IMMP2L: variants seen among roughly 807,000 people sequenced by gnomAD.
The protein encoded by IMMP2L is mitochondrial inner membrane protease subunit 2.
IMMP2L carries 18 observed loss-of-function variants against 19.3 expected under a neutral mutation model. The observed-to-expected ratio is 0.93, with a 90% CI of 0.64 to 1.38. The LOEUF is 1.38. Among genes scored for constraint, IMMP2L ranks in the 40% most tolerant of loss-of-function variants. The probability of loss-of-function intolerance (pLI) is 0.00; values close to 1 mark genes in which losing one functional copy is unlikely to be tolerated. For synonymous variants in IMMP2L, 76 were observed against 73.0 expected (o/e 1.04, Z -0.21); for missense variants, 233 against 218.2 (o/e 1.07, Z -0.43).
intron 5 of IMMP2L, among the ~76,000 whole-genome samples, chr7:110,868,223 A>G (rs1045955760): frequency 1.6e-4 from 24 of 151,862 alleles, no homozygotes; most frequent in African/African-American, 5.8e-4. Flanking sequence ...TCAAGCCGAG[A>G]CAAAGAACAC....
intron 3 of IMMP2L, among the ~76,000 whole-genome samples, chr7:111,417,366 A>G (rs1835052474): frequency 6.6e-6 from 1 of 151,826 alleles, no homozygotes. Context: ...AAAGGGTGAT[A>G]TATTCAGTTT....
chr7:111,324,049 A>G (rs1426207549), intron 3 of IMMP2L, among the ~76,000 whole-genome samples: 1 of 152,014 alleles, frequency 6.6e-6, no homozygotes, highest in African/African-American at 2.4e-5. Context: ...TTAAATGATG[A>G]GTTAATGGGT....
At chr7:111,188,333 C>T (rs993156136) in intron 3 of IMMP2L, among the ~76,000 whole-genome samples, 1 of 152,124 alleles carries the variant, frequency 6.6e-6, no homozygotes, top group Non-Finnish European at 1.5e-5. Context: ...TTTTGGAAGG[C>T]TGAGATCAGA....
At position 111,478,893 on chromosome 7, in the gene IMMP2L, A is replaced by G. The variant is rs1841947022; in HGVS notation, c.239+8345T>C. 2.6e-5 allele frequency among the ~76,000 whole-genome samples: 4 copies of G among 152,330 alleles called. No individual in the cohort carries two copies. The South Asian group carries it at 8.3e-4, about 32-fold the overall frequency. On this transcript the variant is annotated intron_variant, in intron 3 of 5. Coordinates refer to ENST00000405709, the MANE Select transcript of IMMP2L (RefSeq NM_032549.4). ...GTGTTGCGTATAAAAAAATTATAGA[A>G]ACTCTGCATGATGTCTCTTGCTTCC...
chr7:111,260,802 T>C (rs1420112417), intron 3 of IMMP2L, among the ~76,000 whole-genome samples: 1 of 152,136 alleles, frequency 6.6e-6, no homozygotes, highest in Non-Finnish European at 1.5e-5. Flanking sequence ...TATAAATACG[T>C]GACAATAGAG....
At chr7:110,852,584 C>G (rs1198891204) in intron 5 of IMMP2L, among the ~76,000 whole-genome samples, 1 of 152,010 alleles carries the variant, frequency 6.6e-6, no homozygotes, top group Non-Finnish European at 1.5e-5. Flanking sequence ...GGAATGCAAG[C>G]AAATCTGGGG....
intron 5 of IMMP2L, among the ~76,000 whole-genome samples, chr7:110,702,232 GC>G (rs1794336976): frequency 6.6e-6 from 1 of 152,038 alleles, no homozygotes; most frequent in Non-Finnish European, 1.5e-5. Context: ...ACTACACTTG[GC>G]CCCTGAATGG....
intron 3 of IMMP2L, among the ~76,000 whole-genome samples, chr7:111,220,495 T>G (rs1259630133): frequency 6.6e-6 from 1 of 151,934 alleles, no homozygotes; most frequent in Non-Finnish European, 1.5e-5. Context: ...TTATATTAAA[T>G]GCAAGAAAAA....
chr7:111,347,385 G>A (rs762566661), intron 3 of IMMP2L, among the ~76,000 whole-genome samples: 15 of 152,042 alleles, frequency 9.9e-5, no homozygotes, highest in Non-Finnish European at 2.1e-4. Context: ...GGGAGGGGTT[G>A]AAGGTAAAAA....
rs1464180937 is a variant in IMMP2L, at chr7:110,868,887, A to G, written c.408+17706T>C. Among the ~76,000 whole-genome samples, 3 of 152,060 alleles carry G rather than the reference A, an allele frequency of 2.0e-5. 1 individual carries two copies. The highest frequency in any genetic ancestry group is 4.1e-4 in the South Asian group (2 of 4,826). On this transcript the variant is annotated intron_variant, in intron 5 of 5. Coordinates refer to ENST00000405709, the MANE Select transcript of IMMP2L (RefSeq NM_032549.4). ...AACAGTTCCTGAACTGAATGCAAAAAGAAACCTCTGAAAAAGGAACAAAAT... is the reference window on the plus strand; with the variant it reads ...AACAGTTCCTGAACTGAATGCAAAAGGAAACCTCTGAAAAAGGAACAAAAT...
intron 3 of IMMP2L, among the ~76,000 whole-genome samples, chr7:111,321,492 T>C (rs951833314): frequency 2.0e-5 from 3 of 151,804 alleles, no homozygotes; most frequent in African/African-American, 4.8e-5. Flanking sequence ...AATATTCTCA[T>C]GGAAAAAAAA....
intron 3 of IMMP2L, among the ~76,000 whole-genome samples, chr7:111,319,262 T>G (rs1248904370): frequency 6.6e-6 from 1 of 152,120 alleles, no homozygotes; most frequent in Non-Finnish European, 1.5e-5. Context: ...GTGACCTTGA[T>G]GTTCTATATA....
chr7:111,384,631 C>T lies in IMMP2L; in HGVS notation c.239+102607G>A, dbSNP rs534022054. ...GGTAAAAATCTTTTGACTCTTCAGCCAATCACTGCTCCATTTGGCCTCTAG... is the reference window on the plus strand; with the variant it reads ...GGTAAAAATCTTTTGACTCTTCAGCTAATCACTGCTCCATTTGGCCTCTAG... On this transcript the variant is annotated intron_variant, in intron 3 of 5. Transcript: ENST00000405709. Among the ~76,000 whole-genome samples, 8 of 152,146 alleles carry T rather than the reference C, an allele frequency of 5.3e-5. No homozygotes were observed. The South Asian group carries it at 1.7e-3, about 32-fold the overall frequency.
At chr7:110,789,169 C>T (rs1479558158) in intron 5 of IMMP2L, among the ~76,000 whole-genome samples, 3 of 151,776 alleles carry the variant, frequency 2.0e-5, no homozygotes, top group African/African-American at 7.3e-5. Flanking sequence ...ACTGAGTGAA[C>T]CCCAGGCTTT....
At chr7:111,180,778 T>C (rs1807618190) in intron 3 of IMMP2L, among the ~76,000 whole-genome samples, 1 of 152,070 alleles carries the variant, frequency 6.6e-6, no homozygotes, top group South Asian at 2.1e-4. Context: ...AAAGCCTATT[T>C]TTAAAATTCA....
Position 110,905,677 on chromosome 7 carries a change from C to T in IMMP2L, c.306-18982G>A, listed in dbSNP as rs1049352265. On this transcript the variant is annotated intron_variant, in intron 4 of 5. Transcript: ENST00000405709. ...CATCGTAGGTTAATATTAGAAGAAC[C>T]CTGAATTCTGTACTTTGGCTGGACT... Among the ~76,000 whole-genome samples, 6 of 152,042 alleles carry T rather than the reference C, an allele frequency of 3.9e-5. No individual in the cohort carries two copies. The East Asian group carries it at 9.7e-4, about 24-fold the overall frequency.
intron 3 of IMMP2L, among the ~76,000 whole-genome samples, chr7:111,142,648 G>A (rs1396203081): frequency 6.6e-6 from 1 of 152,068 alleles, no homozygotes; most frequent in East Asian, 1.9e-4. Flanking sequence ...ATCATTAACA[G>A]AGACTGAGAA....
chr7:111,555,022 C>G (rs1031451079), intron 1 of IMMP2L, among the ~76,000 whole-genome samples: 1 of 152,136 alleles, frequency 6.6e-6, no homozygotes, highest in Non-Finnish European at 1.5e-5. Context: ...ATAACTCCCA[C>G]TAGCTTAGCG....
intron 3 of IMMP2L, among the ~76,000 whole-genome samples, chr7:111,048,534 T>A (rs1053569679): frequency 6.6e-6 from 1 of 152,158 alleles, no homozygotes; most frequent in Non-Finnish European, 1.5e-5. Flanking sequence ...TTAATCATAG[T>A]ACTTAACATA....
Sources: allele counts gnomAD v4.1 joint callset (sites outside exome capture counted in the v4.1 genomes callset), GRCh38; gene constraint gnomAD v4.1.1; transcripts MANE v1.5; gene names NCBI Gene and HGNC (gene_info 2026-07-23, HGNC 2026-07-21).